CLUAP1: variants seen among roughly 807,000 people sequenced by gnomAD.
CLUAP1 encodes the protein clusterin-associated protein 1.
In CLUAP1, 50 loss-of-function variants were observed where a neutral mutation model predicts 55.0. The ratio of observed to expected loss-of-function variants is 0.91; its 90% CI spans 0.72 to 1.15. The LOEUF is 1.15. Ranked by LOEUF, CLUAP1 falls within the 50% of genes most tolerant of loss-of-function variation. The probability of loss-of-function intolerance (pLI) is 0.00; values close to 1 mark genes in which losing one functional copy is unlikely to be tolerated. For synonymous variants in CLUAP1, 195 were observed against 175.4 expected, an observed-to-expected ratio of 1.11 and a Z score of -0.88; for missense variants, 530 against 507.6, an observed-to-expected ratio of 1.04 and a Z score of -0.42.
intron 5 of CLUAP1, among the ~76,000 whole-genome samples, chr16:3,514,252 G>A (rs1345556567): frequency 1.3e-5 from 2 of 152,168 alleles, no homozygotes; most frequent in African/African-American, 4.8e-5. Context: ...ACACCATCCT[G>A]TAAAGAATGA....
intron 7 of CLUAP1, among the ~76,000 whole-genome samples, chr16:3,520,760 C>G (rs895367699): frequency 6.6e-6 from 1 of 152,158 alleles, no homozygotes; most frequent in Admixed American, 6.5e-5. Flanking sequence ...TTGATCATTC[C>G]TCACCAGTCA....
chr16:3,533,193 C>A, intron 11 of CLUAP1: 1 of 1,514,310 alleles, frequency 6.6e-7, no homozygotes, highest in Non-Finnish European at 8.9e-7. Flanking sequence ...TTGTGGGTGT[C>A]TGTCAGCCCT....
chr16:3,511,177 G>A (rs2037618176), intron 4 of CLUAP1, among the ~76,000 whole-genome samples: 1 of 152,182 alleles, frequency 6.6e-6, no homozygotes, highest in Non-Finnish European at 1.5e-5. Context: ...AGCTATCAAA[G>A]CCATCAGCTG....
At chr16:3,534,193 T>G (rs2038186054) in intron 11 of CLUAP1, 1 of 152,196 alleles carries the variant, frequency 6.6e-6, no homozygotes, top group Non-Finnish European at 1.5e-5. Context: ...TCAGGGCTCA[T>G]GGTGTTAACA....
rs758128501 is a variant in CLUAP1 at position 3,538,593 on chromosome 16, C to T, written c.*2322C>T. ...CTTCTAACACACTTTAACACAGAAG[C>T]CTAACCTAGCTACAAAGAGCCTATC... On this transcript the variant is annotated 3_prime_UTR_variant, in exon 12 of 12. Coordinates refer to ENST00000576634, the MANE Select transcript of CLUAP1 (RefSeq NM_015041.3). The T allele has an allele frequency of 1.9e-4, 29 of 152,158 alleles. No individual in the cohort carries two copies. The highest frequency in any genetic ancestry group is 3.1e-4 in the Non-Finnish European group (21 of 68,034). The allele number at this position is 152,158 out of a possible 1,614,324, so 9.4% of individuals were successfully genotyped here.
At chr16:3,506,509 TTTTC>T in intron 3 of CLUAP1, 94 bp downstream of exon 3, 3 of 1,000,534 alleles carry the variant, frequency 3.0e-6, no homozygotes, top group African/African-American at 3.3e-5. Context: ...GTAATTGAGT[TTTTC>T]TTTCTTTTTT....
rs1345941957 is a variant in CLUAP1 at position 3,529,767 on chromosome 16, ATAT to A, written c.929-794_929-792del. Among the ~76,000 whole-genome samples the A allele has an allele frequency of 2.0e-3, 115 of 56,708 alleles. 1 individual carries two copies. Among genetic ancestry groups the A allele is most frequent in the East Asian group, 7.7e-3 (13 of 1,698 alleles). 37.2% of individuals were successfully genotyped at this position (56,708 alleles called of 152,430 possible). On this transcript the variant is annotated intron_variant, in intron 9 of 11. Transcript: ENST00000576634. ...TATTATATATTATATAATATATATT[ATAT>A]TATTATATATTATATAATATATATT...
rs1349802568 is a variant in CLUAP1, at chr16:3,523,309, G to T, written c.855+10G>T. The T allele has an allele frequency of 6.2e-7, 1 of 1,605,652 alleles. No homozygotes were observed. The highest frequency in any genetic ancestry group is 8.5e-7 in the Non-Finnish European group (1 of 1,177,190). ...GCAAGAAAGGTTTGAGGTGAGCTGA[G>T]CCTGTCCTCTGTTCAGCCATTCCTT... On this transcript the variant is annotated intron_variant, in intron 8 of 11. Coordinates refer to ENST00000576634, the MANE Select transcript of CLUAP1 (RefSeq NM_015041.3).
At chr16:3,507,042 A>T (rs2037520384) in intron 3 of CLUAP1, among the ~76,000 whole-genome samples, 1 of 151,748 alleles carries the variant, frequency 6.6e-6, no homozygotes, top group African/African-American at 2.4e-5. Context: ...TAAAAATACA[A>T]AAAATTAGTT....
At chr16:3,500,646 T>C (rs1046017464), upstream of CLUAP1, among the ~76,000 whole-genome samples, 48 of 152,184 alleles carry the variant, frequency 3.2e-4, no homozygotes, top group Admixed American at 9.8e-4. Context: ...GCTGGGATTG[T>C]AGGCGTGAGC....
intron 1 of CLUAP1, among the ~76,000 whole-genome samples, chr16:3,504,246 A>T (rs566673223): frequency 6.6e-6 from 1 of 151,674 alleles, no homozygotes; most frequent in Admixed American, 6.6e-5. Flanking sequence ...CACTAAAATT[A>T]AAAAAAAAGA....
At chr16:3,528,723 C>G (rs1404926477) in intron 9 of CLUAP1, among the ~76,000 whole-genome samples, 3 of 152,290 alleles carry the variant, frequency 2.0e-5, no homozygotes, top group East Asian at 1.9e-4. Flanking sequence ...AGTTTTAGCT[C>G]TTACATTTAG....
At chr16:3,497,738 C>G (rs761826456), upstream of CLUAP1, among the ~76,000 whole-genome samples, 3 of 152,236 alleles carry the variant, frequency 2.0e-5, no homozygotes, top group African/African-American at 4.8e-5. Flanking sequence ...ATCCTCCCAC[C>G]TTAGCCTCCC....
At chr16:3,512,319 A>C in intron 4 of CLUAP1, 64 bp from the exon 5 acceptor site, 1 of 1,275,658 alleles carries the variant, frequency 7.8e-7, no homozygotes, top group East Asian at 2.3e-5. Context: ...AACATAGCCA[A>C]GACCCTGTCT....
intron 6 of CLUAP1, 143 bp downstream of exon 6, chr16:3,515,734 G>C: frequency 2.0e-6 from 1 of 496,744 alleles, no homozygotes; most frequent in Non-Finnish European, 3.5e-6. Context: ...GAGGACATTC[G>C]AGCTTACCTA....
intron 9 of CLUAP1, among the ~76,000 whole-genome samples, chr16:3,529,731 ATATTATTATATATT>A (rs2038060511): frequency 4.8e-5 from 2 of 41,682 alleles, no homozygotes; most frequent in Non-Finnish European, 7.7e-5. Context: ...TATATTATAT[ATATTATTATATATT>A]ATATATTATA....
chr16:3,515,956 T>C (rs977946595), intron 6 of CLUAP1, among the ~76,000 whole-genome samples: 4 of 152,214 alleles, frequency 2.6e-5, no homozygotes, highest in Non-Finnish European at 4.4e-5. Flanking sequence ...CTGTAATAAG[T>C]AGAAGGATCA....
At chr16:3,495,931 G>A in the CLUAP1 span, among the ~76,000 whole-genome samples, 3 of 152,122 alleles carry the variant, frequency 2.0e-5, no homozygotes, top group Non-Finnish European at 2.9e-5. Flanking sequence ...ATGAGGTCAG[G>A]AGATCGAGAC....
chr16:3,497,766 G>A (rs1271802159), upstream of CLUAP1, among the ~76,000 whole-genome samples: 1 of 152,032 alleles, frequency 6.6e-6, no homozygotes, highest in African/African-American at 2.4e-5. Context: ...TGGGACTACA[G>A]GTGTGCACCA....
Sources: allele counts gnomAD v4.1 joint callset (sites outside exome capture counted in the v4.1 genomes callset), GRCh38; gene constraint gnomAD v4.1.1; transcripts MANE v1.5; gene names NCBI Gene and HGNC (gene_info 2026-07-23, HGNC 2026-07-21).